HS2ST1: variants seen among roughly 807,000 people sequenced by gnomAD.
HS2ST1 encodes 2-O-sulfotransferase.
In HS2ST1, 18 loss-of-function variants were observed where a neutral mutation model predicts 42.9. That is an observed-to-expected ratio of 0.42 (90% CI 0.29 to 0.62). HS2ST1 has a LOEUF of 0.62. Among genes scored for constraint, HS2ST1 ranks in the 20% least tolerant of loss-of-function variants. The pLI is 0.21. For synonymous variants in HS2ST1, 146 were observed against 152.9 expected (o/e 0.95, Z 0.33); for missense variants, 334 against 433.8 (o/e 0.77, Z 2.04).
intron 1 of HS2ST1, among the ~76,000 whole-genome samples, chr1:86,972,891 A>G (rs994384419): frequency 1.3e-5 from 2 of 152,204 alleles, no homozygotes; most frequent in African/African-American, 4.8e-5. Flanking sequence ...TGCAGTCTAT[A>G]ATAGTTCTGC....
chr1:87,064,612 T>G (rs552321827), intron 1 of HS2ST1: 3 of 481,530 alleles, frequency 6.2e-6, no homozygotes, highest in African/African-American at 3.9e-5. Flanking sequence ...ATATAGAAAT[T>G]TATTTTGTTA....
intron 1 of HS2ST1, among the ~76,000 whole-genome samples, chr1:87,062,904 G>A (rs1651152757): frequency 6.6e-6 from 1 of 152,136 alleles, no homozygotes; most frequent in Non-Finnish European, 1.5e-5. Flanking sequence ...GTTTTCTCTT[G>A]TAGGCTTCAT....
intron 1 of HS2ST1, among the ~76,000 whole-genome samples, chr1:86,940,596 C>A (rs1422583450): frequency 6.6e-6 from 1 of 152,116 alleles, no homozygotes; most frequent in East Asian, 1.9e-4. Context: ...ATTTATGTCA[C>A]CTGAAGAGAG....
rs188402200 is a variant in HS2ST1 at position 87,021,450 on chromosome 1, T to G, written c.125-51484T>G. ...CAGCTTGCTTGTCAAATTCATATTTTCCAAACAAAAATTAAATAAGGCTTA... is the reference window on the plus strand; with the variant it reads ...CAGCTTGCTTGTCAAATTCATATTTGCCAAACAAAAATTAAATAAGGCTTA... On this transcript the variant is annotated intron_variant, in intron 1 of 6. Coordinates refer to ENST00000370550, the MANE Select transcript of HS2ST1 (RefSeq NM_012262.4). 9.2e-5 allele frequency among the ~76,000 whole-genome samples: 14 copies of G among 152,318 alleles called. No individual in the cohort carries two copies. The East Asian group carries it at 2.7e-3, about 29-fold the overall frequency.
intron 5 of HS2ST1, chr1:87,098,147 T>C (rs1284340456): frequency 3.3e-6 from 4 of 1,195,826 alleles, no homozygotes; most frequent in Non-Finnish European, 3.1e-6. Context: ...TGCATTGTTT[T>C]CTGAGATGCC....
At chr1:86,978,380 C>G (rs1227211191) in intron 1 of HS2ST1, among the ~76,000 whole-genome samples, 1 of 152,174 alleles carries the variant, frequency 6.6e-6, no homozygotes, top group African/African-American at 2.4e-5. Flanking sequence ...GTCTCAGAGA[C>G]AAATTCAGAT....
At position 87,099,139 on chromosome 1, in the gene HS2ST1, T is replaced by C. The variant is rs536377807; in HGVS notation, c.686+1204T>C. Among the ~76,000 whole-genome samples the C allele has an allele frequency of 1.4e-4, 21 of 152,324 alleles. No homozygotes were observed. In the East Asian group the frequency reaches 2.5e-3, roughly 18 times the overall value. Reference sequence around the variant, plus strand: ...ACAGCCACATACATTTTTTTACTTATTGCTTGTGGCTGTTTTCACACTGCA... The same window carrying C: ...ACAGCCACATACATTTTTTTACTTACTGCTTGTGGCTGTTTTCACACTGCA... On this transcript the variant is annotated intron_variant, in intron 5 of 6. Transcript: ENST00000370550.
At chr1:87,045,047 G>T in intron 1 of HS2ST1, 8 of 1,211,886 alleles carry the variant, frequency 6.6e-6, no homozygotes, top group Non-Finnish European at 9.8e-6. Flanking sequence ...CTTCACTGAC[G>T]TCAGCATTCT....
intron 1 of HS2ST1, among the ~76,000 whole-genome samples, chr1:87,007,698 C>T (rs1367592873): frequency 1.3e-5 from 2 of 152,128 alleles, no homozygotes; most frequent in African/African-American, 4.8e-5. Flanking sequence ...TGACACTTGA[C>T]TTTACAGTAT....
chr1:86,976,723 T>TG (rs1648419182), intron 1 of HS2ST1, among the ~76,000 whole-genome samples: 1 of 136,060 alleles, frequency 7.3e-6, no homozygotes, highest in Non-Finnish European at 1.6e-5. Context: ...TATATATATT[T>TG]TAAATGCCCA....
chr1:86,940,186 A>G (rs576527802), intron 1 of HS2ST1, among the ~76,000 whole-genome samples: 1 of 152,274 alleles, frequency 6.6e-6, no homozygotes, highest in African/African-American at 2.4e-5. Context: ...AGCCTGGACA[A>G]CAAAGTGAGA....
chr1:86,993,069 G>A (rs768622609), intron 1 of HS2ST1: 6 of 1,591,208 alleles, frequency 3.8e-6, no homozygotes, highest in Admixed American at 3.5e-5. Flanking sequence ...AGGTCACCAA[G>A]TCTTTCCTGT....
At chr1:86,964,394 G>A (rs190868713) in intron 1 of HS2ST1, among the ~76,000 whole-genome samples, 3 of 152,364 alleles carry the variant, frequency 2.0e-5, no homozygotes, top group Non-Finnish European at 2.9e-5. Flanking sequence ...CCGGCACCTC[G>A]GGAGGCCGAG....
intron 3 of HS2ST1, among the ~76,000 whole-genome samples, chr1:87,084,771 T>C (rs886397726): frequency 2.0e-5 from 3 of 151,644 alleles, no homozygotes; most frequent in Admixed American, 1.3e-4. Flanking sequence ...TGATTTCCTC[T>C]CTCACCCCCC....
chr1:86,970,125 CAA>C (rs570323321), intron 1 of HS2ST1, among the ~76,000 whole-genome samples: 21 of 99,226 alleles, frequency 2.1e-4, no homozygotes, highest in Non-Finnish European at 2.3e-4. Flanking sequence ...AACTCCATCT[CAA>C]AAAAAAAAAA....
At chr1:87,100,227 T>G (rs1362385772) in intron 5 of HS2ST1, among the ~76,000 whole-genome samples, 1 of 152,146 alleles carries the variant, frequency 6.6e-6, no homozygotes, top group Non-Finnish European at 1.5e-5. Flanking sequence ...GCAATCTAGG[T>G]GGAATGCAAG....
chr1:87,083,993 TG>T (rs1651755454), intron 2 of HS2ST1, among the ~76,000 whole-genome samples, 200 bp from the exon 3 acceptor site: 1 of 152,212 alleles, frequency 6.6e-6, no homozygotes, highest in African/African-American at 2.4e-5. Flanking sequence ...TTCACTCTTT[TG>T]TGAGTATAAT....
intron 1 of HS2ST1, among the ~76,000 whole-genome samples, chr1:87,012,612 C>G (rs1649633713): frequency 6.6e-6 from 1 of 152,152 alleles, no homozygotes; most frequent in Non-Finnish European, 1.5e-5. Flanking sequence ...CTGGCCCCTC[C>G]CAAATCTCAT....
At chr1:87,062,924 T>G (rs1472971282) in intron 1 of HS2ST1, among the ~76,000 whole-genome samples, 1 of 152,200 alleles carries the variant, frequency 6.6e-6, no homozygotes, top group Non-Finnish European at 1.5e-5. Flanking sequence ...TACAGGTGCA[T>G]TCAAGACTTT....
Sources: allele counts gnomAD v4.1 joint callset (sites outside exome capture counted in the v4.1 genomes callset), GRCh38; gene constraint gnomAD v4.1.1; transcripts MANE v1.5; gene names NCBI Gene and HGNC (gene_info 2026-07-23, HGNC 2026-07-21).